PDS5B: variants seen among roughly 807,000 people sequenced by gnomAD.
PDS5B encodes the protein PDS5 cohesin associated factor B.
A neutral mutation model predicts 184.1 loss-of-function variants in PDS5B; 51 were observed. That is an observed-to-expected ratio of 0.28 (90% CI 0.22 to 0.35). PDS5B has a LOEUF of 0.35. PDS5B is among the 10% of genes least tolerant of loss of function. The probability of loss-of-function intolerance (pLI) is 1.00; values close to 1 mark genes in which losing one functional copy is unlikely to be tolerated. For missense variants in PDS5B, 1,180 were observed against 1,723.3 expected (o/e 0.68, Z 5.58); for synonymous variants, 566 against 569.2 (o/e 0.99, Z 0.08).
intron 1 of PDS5B, among the ~76,000 whole-genome samples, chr13:32,616,635 A>G (rs1330640459): frequency 1.3e-5 from 2 of 152,204 alleles, no homozygotes; most frequent in African/African-American, 4.8e-5. Context: ...GGAATTGGAC[A>G]GAAATTGGGC....
chr13:32,677,158 T>C (rs1254083962), intron 9 of PDS5B, among the ~76,000 whole-genome samples: 1 of 152,088 alleles, frequency 6.6e-6, no homozygotes, highest in Non-Finnish European at 1.5e-5. Flanking sequence ...TCTTGATTCT[T>C]ATTTAGCTCA....
chr13:32,718,443 C>T (rs1366909560), intron 19 of PDS5B, among the ~76,000 whole-genome samples: 12 of 152,018 alleles, frequency 7.9e-5, no homozygotes, highest in African/African-American at 2.2e-4. Context: ...AGCCACCACG[C>T]CTGGCCAAAA....
chr13:32,608,922 T>C (rs2058100951), intron 1 of PDS5B, among the ~76,000 whole-genome samples: 1 of 152,234 alleles, frequency 6.6e-6, no homozygotes, highest in South Asian at 2.1e-4. Flanking sequence ...CAAATGTGGC[T>C]ACTGCTTCAC....
intron 1 of PDS5B, among the ~76,000 whole-genome samples, chr13:32,635,691 C>T (rs2058540565): frequency 2.0e-5 from 3 of 149,750 alleles, no homozygotes; most frequent in African/African-American, 7.4e-5. Flanking sequence ...GCTAAAATAT[C>T]TTTGTGCCTT....
intron 24 of PDS5B, among the ~76,000 whole-genome samples, chr13:32,747,360 A>T (rs977820398): frequency 6.6e-6 from 1 of 152,070 alleles, no homozygotes; most frequent in African/African-American, 2.4e-5. Context: ...TTAAATTGCC[A>T]CTTATGTATA....
At chr13:32,601,008 T>C (rs2057965976) in intron 1 of PDS5B, among the ~76,000 whole-genome samples, 1 of 152,240 alleles carries the variant, frequency 6.6e-6, no homozygotes, top group African/African-American at 2.4e-5. Context: ...TTTGATTTTC[T>C]AGCCACTTTG....
intron 1 of PDS5B, among the ~76,000 whole-genome samples, chr13:32,611,844 A>G (rs1215154895): frequency 6.6e-6 from 1 of 150,746 alleles, no homozygotes; most frequent in Non-Finnish European, 1.5e-5. Flanking sequence ...TTAACTTCCC[A>G]TTGTCTGCAA....
At chr13:32,716,808 C>G (rs1475760437) in intron 19 of PDS5B, among the ~76,000 whole-genome samples, 1 of 93,028 alleles carries the variant, frequency 1.1e-5, no homozygotes, top group African/African-American at 3.0e-5. Context: ...GGTCAGCCCC[C>G]TGCCCGGCCA....
At chr13:32,730,768 A>G (rs1953089177) in intron 19 of PDS5B, among the ~76,000 whole-genome samples, 1 of 152,104 alleles carries the variant, frequency 6.6e-6, no homozygotes, top group African/African-American at 2.4e-5. Flanking sequence ...GGTGTATAGG[A>G]ATGCTTGTGA....
At chr13:32,691,409 A>C (rs528632061) in intron 13 of PDS5B, 45 of 152,182 alleles carry the variant, frequency 3.0e-4, no homozygotes, top group South Asian at 1.2e-3. Flanking sequence ...TTGATATGAG[A>C]AATTTGAGTC....
chr13:32,658,857 TC>T (rs1190298516), intron 5 of PDS5B, among the ~76,000 whole-genome samples: 1 of 152,170 alleles, frequency 6.6e-6, no homozygotes, highest in Admixed American at 6.5e-5. Context: ...GGAATTAACT[TC>T]AGAGCAATTC....
intron 1 of PDS5B, among the ~76,000 whole-genome samples, chr13:32,640,751 A>T (rs1419690277): frequency 6.7e-6 from 1 of 150,014 alleles, no homozygotes; most frequent in Middle Eastern, 3.2e-3. Context: ...AAATGGAGAA[A>T]CTCATAAATC....
intron 11 of PDS5B, among the ~76,000 whole-genome samples, chr13:32,684,270 A>T (rs146262824): frequency 6.6e-6 from 1 of 152,298 alleles, no homozygotes; most frequent in East Asian, 1.9e-4. Flanking sequence ...ATGGTAGTCA[A>T]TGTTTATCCT....
intron 11 of PDS5B, among the ~76,000 whole-genome samples, chr13:32,684,928 A>G (rs12429740): frequency 0.32 from 48,071 of 152,052 alleles, 9,171 homozygotes; most frequent in Non-Finnish European, 0.43. Context: ...TCTGGCTAAC[A>G]TGGCGAAATC....
intron 19 of PDS5B, among the ~76,000 whole-genome samples, chr13:32,710,422 G>T (rs1593480211): frequency 6.6e-6 from 1 of 152,130 alleles, no homozygotes; most frequent in Non-Finnish European, 1.5e-5. Context: ...AATTTCATCA[G>T]GACTATCCAT....
Position 32,637,803 on chromosome 13 carries a change from GAATAA to G in PDS5B, c.-19-10945_-19-10941del, listed in dbSNP as rs200499698. Among the ~76,000 whole-genome samples the G allele has an allele frequency of 8.1e-4, 124 of 152,286 alleles. 1 individual carries two copies. In the East Asian group the frequency reaches 0.017, roughly 21 times the overall value. ...CAACTGTGTATCATACTGCTGAGAT[GAATAA>G]AATAAGGATTAGAAAAGTGTTCACT... On this transcript the variant is annotated intron_variant, in intron 1 of 34. Coordinates refer to ENST00000315596, the MANE Select transcript of PDS5B (RefSeq NM_015032.4).
chr13:32,624,283 G>A (rs1233757216), intron 1 of PDS5B, among the ~76,000 whole-genome samples: 1 of 151,992 alleles, frequency 6.6e-6, no homozygotes, highest in African/African-American at 2.4e-5. Context: ...AGATATCAGA[G>A]TTGTCTTTTT....
chr13:32,656,801 T>G (rs1398537118), intron 3 of PDS5B, among the ~76,000 whole-genome samples: 2 of 152,162 alleles, frequency 1.3e-5, no homozygotes, highest in African/African-American at 4.8e-5. Context: ...TTTGCCATGT[T>G]GGCCAGGCTG....
At position 32,648,820 on chromosome 13, in the gene PDS5B, G is replaced by T; in HGVS notation, c.48G>T (p.Pro16=). ...TRTNDGKITY[P]PGVKEISDKI... is the part of the protein sequence containing the mutation. ...CCAATGATGGAAAAATTACATATCC[G>T]CCTGGGGTCAAGGAAATATCAGATA... The change falls in exon 2 of 35, where the codon CCG becomes CCT. Residue 16 remains proline (P), a synonymous_variant. Coordinates refer to ENST00000315596, the MANE Select transcript of PDS5B (RefSeq NM_015032.4). 3 of 1,567,230 alleles carry T rather than the reference G, an allele frequency of 1.9e-6. No individual in the cohort carries two copies. Among genetic ancestry groups the T allele is most frequent in the South Asian group, 1.1e-5 (1 of 90,132 alleles).
Sources: allele counts gnomAD v4.1 joint callset (sites outside exome capture counted in the v4.1 genomes callset), GRCh38; gene constraint gnomAD v4.1.1; transcripts MANE v1.5; gene names NCBI Gene and HGNC (gene_info 2026-07-23, HGNC 2026-07-21).